ASCC3: variants seen among roughly 807,000 people sequenced by gnomAD.
The protein encoded by ASCC3 is activating signal cointegrator 1 complex subunit 3.
In ASCC3, 158 loss-of-function variants were observed where a neutral mutation model predicts 256.3. That is an observed-to-expected ratio of 0.62 (90% confidence interval 0.54 to 0.70). The LOEUF (loss-of-function observed/expected upper bound fraction) is 0.70. Among genes scored for constraint, ASCC3 ranks in the 30% least tolerant of loss-of-function variants. The probability of loss-of-function intolerance (pLI) is 0.00; values close to 1 mark genes in which losing one functional copy is unlikely to be tolerated. For synonymous variants in ASCC3, 948 were observed against 883.4 expected, an observed-to-expected ratio of 1.07 and a Z score of -1.30; for missense variants, 2,259 against 2,626.0, an observed-to-expected ratio of 0.86 and a Z score of 3.05.
chr6:100,652,951 ATATT>A, intron 17 of ASCC3, 62 bp from the exon 18 acceptor site: 1 of 1,466,318 alleles, frequency 6.8e-7, no homozygotes, highest in Non-Finnish European at 9.5e-7. Context: ...TTGCAAACAT[ATATT>A]TATTTATGGA....
chr6:100,694,887 A>T (rs1045513024), intron 13 of ASCC3, among the ~76,000 whole-genome samples: 2 of 152,172 alleles, frequency 1.3e-5, no homozygotes, highest in Non-Finnish European at 2.9e-5. Context: ...AATGGGTAAA[A>T]GTTTGATGAG....
intron 40 of ASCC3, chr6:100,510,398 C>T: frequency 2.9e-6 from 1 of 341,542 alleles, no homozygotes; most frequent in Non-Finnish European, 5.4e-6. Context: ...ATCAAATTAG[C>T]AAATTCTCAT....
intron 3 of ASCC3, among the ~76,000 whole-genome samples, chr6:100,854,881 A>T (rs1285786630): frequency 6.6e-6 from 1 of 152,198 alleles, no homozygotes; most frequent in Non-Finnish European, 1.5e-5. Flanking sequence ...TTGTTTTAAC[A>T]TCCAAGGAAA....
intron 14 of ASCC3, among the ~76,000 whole-genome samples, chr6:100,674,416 T>C (rs1776904101): frequency 6.6e-6 from 1 of 152,084 alleles, no homozygotes; most frequent in African/African-American, 2.4e-5. Context: ...AACTGGTCTG[T>C]TGTTGCTGTT....
intron 33 of ASCC3, among the ~76,000 whole-genome samples, chr6:100,602,462 CA>C (rs146986260): frequency 2.7e-5 from 4 of 149,174 alleles, no homozygotes; most frequent in Non-Finnish European, 3.0e-5. Context: ...TACAAGCTGA[CA>C]AAAAAAAAGC....
intron 4 of ASCC3, among the ~76,000 whole-genome samples, chr6:100,821,411 G>A (rs1376105010): frequency 2.6e-5 from 4 of 151,336 alleles, no homozygotes; most frequent in Non-Finnish European, 5.9e-5. Context: ...AAAAACATGT[G>A]CACAAGTTTG....
chr6:100,830,706 T>C lies in ASCC3; in HGVS notation c.801+17442A>G, dbSNP rs17061152. Reference sequence around the variant, plus strand: ...GGAATCAATCTTTCTACTTAAGGGATTGCAAGACAACTTGCTTCACAGAAA... The same window carrying C: ...GGAATCAATCTTTCTACTTAAGGGACTGCAAGACAACTTGCTTCACAGAAA... On this transcript the variant is annotated intron_variant, in intron 4 of 41. Coordinates refer to ENST00000369162, the MANE Select transcript of ASCC3 (RefSeq NM_006828.4). Among the ~76,000 whole-genome samples, 843 of 152,310 alleles carry C rather than the reference T, an allele frequency of 5.5e-3. 17 individuals are homozygous for C. Among genetic ancestry groups the C allele is most frequent in the Admixed American group, 0.04 (609 of 15,300 alleles).
rs1424918169 is a variant in ASCC3 at position 100,661,795 on chromosome 6, T to C, written c.2703+11A>G. 5 of 1,610,986 alleles carry C rather than the reference T, an allele frequency of 3.1e-6. No homozygotes were observed. The highest frequency in any genetic ancestry group is 4.2e-6 in the Non-Finnish European group (5 of 1,177,588). ...TGATTCTATTCCAAACTTTTACTCA[T>C]TAGATCTTACCTCTGCATTTAGGTT... is the stretch of plus-strand genomic sequence containing the variant. On this transcript the variant is annotated intron_variant, in intron 16 of 41. Coordinates refer to ENST00000369162, the MANE Select transcript of ASCC3 (RefSeq NM_006828.4).
intron 4 of ASCC3, among the ~76,000 whole-genome samples, chr6:100,818,620 T>G (rs1582909868): frequency 6.7e-6 from 1 of 148,502 alleles, no homozygotes; most frequent in African/African-American, 2.5e-5. Flanking sequence ...TACATAGCAG[T>G]ATTTCATAAT....
chr6:100,745,474 G>A (rs910456733), intron 10 of ASCC3, among the ~76,000 whole-genome samples: 3 of 144,342 alleles, frequency 2.1e-5, no homozygotes, highest in Non-Finnish European at 4.5e-5. Context: ...GTGACAGAGT[G>A]AGACTTGGTC....
At chr6:100,755,935 A>G (rs1781157840) in intron 10 of ASCC3, among the ~76,000 whole-genome samples, 1 of 152,086 alleles carries the variant, frequency 6.6e-6, no homozygotes, top group South Asian at 2.1e-4. Flanking sequence ...TTGTAAAAAA[A>G]TAGTAAACTT....
chr6:100,565,387 A>G (rs1193088990), intron 36 of ASCC3, among the ~76,000 whole-genome samples: 2 of 152,168 alleles, frequency 1.3e-5, no homozygotes, highest in African/African-American at 2.4e-5. Flanking sequence ...GTGAAGGAGT[A>G]ATGACCCAGC....
At position 100,875,841 on chromosome 6, in the gene ASCC3, A is replaced by G. The variant is rs142590697; in HGVS notation, c.-42+5220T>C. Among the ~76,000 whole-genome samples, 953 of 149,760 alleles carry G rather than the reference A, an allele frequency of 6.4e-3. 7 individuals are homozygous for G. Among genetic ancestry groups the G allele is most frequent in the African/African-American group, 0.022 (918 of 41,394 alleles). On this transcript the variant is annotated intron_variant, in intron 1 of 41. Coordinates refer to ENST00000369162, the MANE Select transcript of ASCC3 (RefSeq NM_006828.4). ...TCTCAGTGAGTTGAAGGATAAACGCAAAGGGAGAAAATAGGGAAAAAACAA... is the reference window on the plus strand; with the variant it reads ...TCTCAGTGAGTTGAAGGATAAACGCGAAGGGAGAAAATAGGGAAAAAACAA...
At chr6:100,712,625 G>A (rs1778904345) in intron 13 of ASCC3, among the ~76,000 whole-genome samples, 1 of 152,088 alleles carries the variant, frequency 6.6e-6, no homozygotes, top group African/African-American at 2.4e-5. Flanking sequence ...TGGCAAGGAT[G>A]TGAGGATGTT....
chr6:100,848,951 T>A (rs1772525430), intron 3 of ASCC3, among the ~76,000 whole-genome samples: 1 of 151,904 alleles, frequency 6.6e-6, no homozygotes, highest in Non-Finnish European at 1.5e-5. Context: ...CAAAAATTTT[T>A]AAAAATTAGC....
rs1582653496 is a variant in ASCC3 at position 100,661,953 on chromosome 6, T to G, written c.2556A>C (p.Arg852=). 6.2e-7 allele frequency: 1 copy of G among 1,613,384 alleles called. No individual in the cohort carries two copies. Residue 852 remains arginine (R), a synonymous_variant, in exon 16 of 42, where the codon CGA becomes CGC. Coordinates refer to ENST00000369162, the MANE Select transcript of ASCC3 (RefSeq NM_006828.4). ...ATTTGTCAAATTGTGGTCGTCCAGC[T>G]CGACCAAATATCTGCATGACATCTA... ...GILDVMQIFG[R]AGRPQFDKFG... is the part of the protein sequence containing the mutation.
At chr6:100,639,912 C>T (rs552587525) in intron 24 of ASCC3, among the ~76,000 whole-genome samples, 7 of 152,126 alleles carry the variant, frequency 4.6e-5, no homozygotes, top group East Asian at 3.9e-4. Context: ...GTCAGGAGTT[C>T]GAGAACAGCC....
intron 36 of ASCC3, among the ~76,000 whole-genome samples, chr6:100,560,232 A>G (rs1385272699): frequency 6.6e-6 from 1 of 152,198 alleles, no homozygotes; most frequent in Non-Finnish European, 1.5e-5. Context: ...CCTAATATTT[A>G]GAGATATCAA....
At chr6:100,739,356 G>C (rs929195306) in intron 10 of ASCC3, among the ~76,000 whole-genome samples, 2 of 152,098 alleles carry the variant, frequency 1.3e-5, no homozygotes, top group Non-Finnish European at 2.9e-5. Flanking sequence ...ATTTTATTGA[G>C]GATTTTTGCA....
Sources: allele counts gnomAD v4.1 joint callset (sites outside exome capture counted in the v4.1 genomes callset), GRCh38; gene constraint gnomAD v4.1.1; transcripts MANE v1.5; gene names NCBI Gene and HGNC (gene_info 2026-07-23, HGNC 2026-07-21).